The following USP32 variants were observed in gnomAD, a reference collection of about 807,000 sequenced individuals.
The protein encoded by USP32 is ubiquitin specific peptidase 32.
USP32 carries 59 observed loss-of-function variants against 204.8 expected under a neutral mutation model. The ratio of observed to expected loss-of-function variants is 0.29; its 90% CI spans 0.23 to 0.36. The LOEUF (loss-of-function observed/expected upper bound fraction) is 0.36. Ranked by LOEUF, USP32 falls within the 10% of genes least tolerant of loss-of-function variation. USP32 has a pLI of 1.00. For synonymous variants in USP32, 517 were observed against 678.4 expected (o/e 0.76, Z 3.70); for missense variants, 1,160 against 1,946.4 (o/e 0.60, Z 7.60).
intron 10 of USP32, among the ~76,000 whole-genome samples, chr17:60,254,200 A>G (rs2086238324): frequency 6.6e-6 from 1 of 152,248 alleles, no homozygotes; most frequent in Non-Finnish European, 1.5e-5. Flanking sequence ...AAATGGGAAA[A>G]TATAAATTAT....
intron 2 of USP32, among the ~76,000 whole-genome samples, chr17:60,343,096 A>G (rs968939817): frequency 6.6e-6 from 1 of 152,212 alleles, no homozygotes; most frequent in Admixed American, 6.5e-5. Flanking sequence ...CAACAAGAAG[A>G]GCTATCTATC....
At chr17:60,252,116 A>C (rs2086184882) in intron 11 of USP32, among the ~76,000 whole-genome samples, 2 of 152,226 alleles carry the variant, frequency 1.3e-5, no homozygotes, top group African/African-American at 4.8e-5. Flanking sequence ...TTTTGTACTA[A>C]AGAAAACTGG....
chr17:60,389,155 T>A (rs1376265791), intron 1 of USP32, among the ~76,000 whole-genome samples: 1 of 152,216 alleles, frequency 6.6e-6, no homozygotes. Context: ...TTATACAATA[T>A]AAACAAGTAG....
intron 4 of USP32, among the ~76,000 whole-genome samples, chr17:60,289,132 T>A (rs926292212): frequency 6.6e-6 from 1 of 152,110 alleles, no homozygotes. Flanking sequence ...CTCAGCCTCC[T>A]GAGTAGCTGG....
chr17:60,376,721 C>T (rs2089550833), intron 1 of USP32, among the ~76,000 whole-genome samples: 1 of 151,802 alleles, frequency 6.6e-6, no homozygotes, highest in South Asian at 2.1e-4. Context: ...AGGGTTTCAC[C>T]ATGTTGGCCA....
intron 5 of USP32, among the ~76,000 whole-genome samples, chr17:60,276,716 T>C (rs915020563): frequency 6.6e-6 from 1 of 152,166 alleles, no homozygotes; most frequent in African/African-American, 2.4e-5. Flanking sequence ...TTGAAAACTA[T>C]GTTAATCAAT....
At position 60,177,637 on chromosome 17, in the gene USP32, T is replaced by A. The variant is rs953426390; in HGVS notation, c.*1618A>T. On this transcript the variant is annotated 3_prime_UTR_variant, in exon 34 of 34. Transcript: ENST00000300896. ...TTATATACTGAAAATCTTGAAACTA[T>A]AAAGTATGCATTTTGTCTGACTTTA... Among the ~76,000 whole-genome samples, 25 of 152,244 alleles carry A rather than the reference T, an allele frequency of 1.6e-4. No individual in the cohort carries two copies. Among genetic ancestry groups the A allele is most frequent in the Non-Finnish European group, 3.2e-4 (22 of 68,028 alleles).
chr17:60,351,916 T>C (rs1344257640), intron 1 of USP32, among the ~76,000 whole-genome samples: 1 of 152,078 alleles, frequency 6.6e-6, no homozygotes, highest in East Asian at 1.9e-4. Flanking sequence ...GAAGTGGTAA[T>C]TCCTAAAGAG....
At chr17:60,349,599 ATATATATATATATATATAT>A (rs1567867167) in intron 1 of USP32, among the ~76,000 whole-genome samples, 1,668 of 42,326 alleles carry the variant, frequency 0.039, 30 homozygotes, top group Non-Finnish European at 0.051. Flanking sequence ...AAAAAAAAAT[ATATATATATATATATATAT>A]ATATATTATA....
At chr17:60,191,069 T>C (rs1458124537) in intron 28 of USP32, among the ~76,000 whole-genome samples, 1 of 152,150 alleles carries the variant, frequency 6.6e-6, no homozygotes, top group Non-Finnish European at 1.5e-5. Context: ...AACACCTAGC[T>C]CCTTGTCTGT....
Position 60,275,453 on chromosome 17 carries a change from T to A in USP32, c.572-3972A>T, listed in dbSNP as rs146907902. Among the ~76,000 whole-genome samples the A allele has an allele frequency of 4.5e-3, 680 of 152,164 alleles. 9 individuals carry two copies. Among genetic ancestry groups the A allele is most frequent in the African/African-American group, 0.015 (626 of 41,510 alleles). ...GCCTAGACAACAGAGCAAGACTCCA[T>A]CTCAAAAACAAACAAACAAAAAAGA... is the stretch of plus-strand genomic sequence containing the variant. On this transcript the variant is annotated intron_variant, in intron 5 of 33. Transcript: ENST00000300896.
At chr17:60,403,579 G>T (rs1210402887) in intron 1 of USP32, among the ~76,000 whole-genome samples, 1 of 152,164 alleles carries the variant, frequency 6.6e-6, no homozygotes, top group East Asian at 1.9e-4. Context: ...CGCTCCTCAG[G>T]TGTGGTTCCT....
intron 4 of USP32, among the ~76,000 whole-genome samples, chr17:60,294,358 G>C (rs1023721551): frequency 5.3e-5 from 8 of 150,066 alleles, no homozygotes; most frequent in African/African-American, 2.0e-4. Context: ...ACTACAACAT[G>C]AGCACTGTTT....
intron 1 of USP32, among the ~76,000 whole-genome samples, chr17:60,389,515 C>G (rs1230545633): frequency 6.6e-6 from 1 of 151,378 alleles, no homozygotes; most frequent in Non-Finnish European, 1.5e-5. Flanking sequence ...TGCACTCCAG[C>G]CTGGGCGACA....
intron 2 of USP32, chr17:60,305,233 T>A (rs2087693316): frequency 6.6e-6 from 1 of 152,268 alleles, no homozygotes; most frequent in African/African-American, 2.4e-5. Flanking sequence ...TCTGCTCAGC[T>A]TCTCATGAGG....
At chr17:60,213,455 C>G in intron 18 of USP32, 126 bp downstream of exon 18, 1 of 517,752 alleles carries the variant, frequency 1.9e-6, no homozygotes, top group African/African-American at 2.1e-5. Flanking sequence ...CAAAGGGTTT[C>G]TTTATCATAA....
intron 2 of USP32, among the ~76,000 whole-genome samples, chr17:60,311,571 C>T (rs1258949371): frequency 2.6e-5 from 4 of 152,116 alleles, no homozygotes; most frequent in Non-Finnish European, 2.9e-5. Flanking sequence ...GCCTGTAATC[C>T]CAACACTTTG....
At chr17:60,375,830 A>T (rs927331370) in intron 1 of USP32, among the ~76,000 whole-genome samples, 3 of 151,912 alleles carry the variant, frequency 2.0e-5, no homozygotes, top group African/African-American at 7.3e-5. Flanking sequence ...GTGGTCTCAA[A>T]CTCTTGACCT....
At chr17:60,349,745 C>T (rs968097488) in intron 1 of USP32, among the ~76,000 whole-genome samples, 1 of 144,608 alleles carries the variant, frequency 6.9e-6, no homozygotes, top group African/African-American at 2.5e-5. Flanking sequence ...GGGAAATGTA[C>T]ATATAAATAA....
Sources: gnomAD v4.1 joint callset for allele counts (sites outside exome capture counted in the v4.1 genomes callset) on GRCh38, gnomAD v4.1.1 for gene constraint, MANE v1.5 for transcripts, NCBI Gene and HGNC (gene_info 2026-07-23, HGNC 2026-07-21) for gene names.